LCLAT1: variants seen among roughly 807,000 people sequenced by gnomAD.
The protein encoded by LCLAT1 is lysocardiolipin acyltransferase 1.
Under a neutral mutation model 30.7 loss-of-function variants are expected in LCLAT1, and 11 were observed. The ratio of observed to expected loss-of-function variants is 0.36; its 90% confidence interval spans 0.23 to 0.59. LCLAT1 has a LOEUF of 0.59. Ranked by LOEUF, LCLAT1 falls within the 20% of genes least tolerant of loss-of-function variation. The pLI is 0.77. For missense variants in LCLAT1, 402 were observed against 458.6 expected, an observed-to-expected ratio of 0.88 and a Z score of 1.13; for synonymous variants, 155 against 151.3, an observed-to-expected ratio of 1.02 and a Z score of -0.18.
In LCLAT1 at chr2:30,640,321, G is replaced by A. The variant is rs758773276; in HGVS notation, c.833G>A (p.Arg278His). 10 of 1,614,050 alleles carry A rather than the reference G, an allele frequency of 6.2e-6. No individual in the cohort carries two copies. The highest frequency in any genetic ancestry group is 2.7e-5 in the African/African-American group (2 of 74,918). ...KRWEEKEERLRSFYQGEKNFY... is the reference protein window; with the variant it reads ...KRWEEKEERLHSFYQGEKNFY... ...TGGGAAGAGAAAGAAGAGAGGCTGCGTTCCTTCTATCAAGGGGAGAAGAAT... is the reference window on the plus strand; with the variant it reads ...TGGGAAGAGAAAGAAGAGAGGCTGCATTCCTTCTATCAAGGGGAGAAGAAT... The change falls in exon 6 of 6, where the codon CGT becomes CAT. Residue 278 changes from arginine to histidine, a missense_variant. By Grantham distance (29) the Arg-to-His change is conservative. Transcript: ENST00000379509.
intron 5 of LCLAT1, among the ~76,000 whole-genome samples, chr2:30,608,999 CCAGT>C (rs1667605448): frequency 6.6e-6 from 1 of 152,126 alleles, no homozygotes; most frequent in Non-Finnish European, 1.5e-5. Flanking sequence ...CTACTCTTTG[CCAGT>C]CAAATAGGTA....
In LCLAT1 at chr2:30,641,140, T is replaced by C. The variant is rs6723023; in HGVS notation, c.*521T>C. 0.13 allele frequency: 19,510 copies of C among 152,786 alleles called. 1,378 individuals carry two copies. Among genetic ancestry groups the C allele is most frequent in the South Asian group, 0.23 (1,119 of 4,826 alleles). The allele number at this position is 152,786 out of a possible 1,614,324, so 9.5% of individuals were successfully genotyped here. On this transcript the variant is annotated 3_prime_UTR_variant, in exon 6 of 6. Coordinates refer to ENST00000379509, the MANE Select transcript of LCLAT1 (RefSeq NM_001002257.3). The stretch of plus-strand genomic sequence containing the variant: ...TTAAGATCAGAAAATGGAACCCCCT[T>C]TGTCGTGAAACCGATCAAGCATTTT...
chr2:30,641,255 C>T lies in LCLAT1; in HGVS notation c.*636C>T, dbSNP rs919426287. The T allele has an allele frequency of 1.3e-5, 2 of 152,174 alleles. No individual in the cohort carries two copies. Among genetic ancestry groups the T allele is most frequent in the Non-Finnish European group, 2.9e-5 (2 of 68,056 alleles). The allele number at this position is 152,174 out of a possible 1,614,324, so 9.4% of individuals were successfully genotyped here. A position where few individuals can be genotyped will look rare whatever the true frequency, so the allele number is the denominator to read the frequency against. Reference sequence around the variant, plus strand: ...CCCTTTTCTCTCGTGGAAGATAAAACCTGGACTCAGGGAGCAACCACAGGC... The same window carrying T: ...CCCTTTTCTCTCGTGGAAGATAAAATCTGGACTCAGGGAGCAACCACAGGC... On this transcript the variant is annotated 3_prime_UTR_variant, in exon 6 of 6. Coordinates refer to ENST00000379509, the MANE Select transcript of LCLAT1 (RefSeq NM_001002257.3).
rs1188451727 is a variant in LCLAT1 at position 30,643,604 on chromosome 2, ACT to A, written c.*2988_*2989del. 1.3e-5 allele frequency: 2 copies of A among 152,512 alleles called. No individual in the cohort carries two copies. The highest frequency in any genetic ancestry group is 2.9e-5 in the Non-Finnish European group (2 of 68,020). The allele number at this position is 152,512 out of a possible 1,614,324, so 9.4% of individuals were successfully genotyped here. A position where few individuals can be genotyped will look rare whatever the true frequency, so the allele number is the denominator to read the frequency against. On this transcript the variant is annotated 3_prime_UTR_variant, in exon 6 of 6. Transcript: ENST00000379509. Reference sequence around the variant, plus strand: ...TGTTAGAAATATATTGGCAGCCAAGACTCTGAACTCTGCAGAAACATTTGTTT... The same window carrying A: ...TGTTAGAAATATATTGGCAGCCAAGACTGAACTCTGCAGAAACATTTGTTT...
At position 30,470,906 on chromosome 2, in the gene LCLAT1, T is replaced by C. The variant is rs558126947; in HGVS notation, c.-5+23523T>C. On this transcript the variant is annotated intron_variant, in intron 1 of 5. Transcript: ENST00000379509. ...ATTTATTTATTTTCATTTTATTTAT[T>C]TATTCATTCTTTTTTTTTTTTTTTT... 2.0e-4 allele frequency among the ~76,000 whole-genome samples: 30 copies of C among 151,084 alleles called. No individual in the cohort carries two copies. The South Asian group carries it at 6.1e-3, about 31-fold the overall frequency.
At chr2:30,483,290 A>T (rs551050182) in intron 1 of LCLAT1, among the ~76,000 whole-genome samples, 73 of 152,328 alleles carry the variant, frequency 4.8e-4, no homozygotes, top group African/African-American at 1.7e-3. Flanking sequence ...GGAGTTCGAG[A>T]CCAGCTTAGG....
intron 3 of LCLAT1, among the ~76,000 whole-genome samples, chr2:30,542,953 C>CTT (rs34535640): frequency 1.5e-3 from 187 of 124,218 alleles, no homozygotes; most frequent in African/African-American, 4.8e-3. Context: ...ACTTTTATGG[C>CTT]TTTTTTTTTT....
At chr2:30,630,210 T>G (rs1381390662) in intron 5 of LCLAT1, among the ~76,000 whole-genome samples, 1 of 152,214 alleles carries the variant, frequency 6.6e-6, no homozygotes, top group Non-Finnish European at 1.5e-5. Flanking sequence ...TTATGAGGAC[T>G]CCAGTCATAC....
intron 3 of LCLAT1, among the ~76,000 whole-genome samples, chr2:30,557,371 A>G (rs972318617): frequency 2.0e-5 from 3 of 151,040 alleles, no homozygotes; most frequent in Non-Finnish European, 2.9e-5. Flanking sequence ...TAAAAGCACC[A>G]ATCATGTATG....
At chr2:30,495,581 C>G (rs1684067985) in intron 1 of LCLAT1, among the ~76,000 whole-genome samples, 1 of 152,044 alleles carries the variant, frequency 6.6e-6, no homozygotes, top group Non-Finnish European at 1.5e-5. Flanking sequence ...AGAAAAAGCA[C>G]CAACAGATTT....
chr2:30,561,811 A>G (rs915528213), intron 3 of LCLAT1, among the ~76,000 whole-genome samples: 1 of 152,170 alleles, frequency 6.6e-6, no homozygotes, highest in African/African-American at 2.4e-5. Flanking sequence ...TGGTTAAAAT[A>G]TCTGTTTAGT....
intron 3 of LCLAT1, among the ~76,000 whole-genome samples, chr2:30,540,958 C>T (rs540771328): frequency 1.4e-4 from 22 of 152,242 alleles, no homozygotes; most frequent in East Asian, 5.8e-4. Context: ...CCACCACACC[C>T]GGCCACATTT....
At chr2:30,549,324 A>G (rs1235006874) in intron 3 of LCLAT1, among the ~76,000 whole-genome samples, 1 of 152,208 alleles carries the variant, frequency 6.6e-6, no homozygotes, top group Non-Finnish European at 1.5e-5. Context: ...TTAGGCTGCT[A>G]GATATCCCAG....
intron 3 of LCLAT1, among the ~76,000 whole-genome samples, chr2:30,553,552 A>G (rs567684528): frequency 6.6e-6 from 1 of 152,060 alleles, no homozygotes; most frequent in South Asian, 2.1e-4. Context: ...GCGGTGGCTC[A>G]CGCCTGTAAT....
intron 5 of LCLAT1, among the ~76,000 whole-genome samples, chr2:30,595,159 C>G (rs945827466): frequency 1.3e-5 from 2 of 152,116 alleles, no homozygotes; most frequent in African/African-American, 4.8e-5. Context: ...TTTCTTATCA[C>G]TGAAACTCTC....
At chr2:30,475,065 A>G (rs1682981762) in intron 1 of LCLAT1, among the ~76,000 whole-genome samples, 1 of 151,492 alleles carries the variant, frequency 6.6e-6, no homozygotes, top group South Asian at 2.1e-4. Context: ...TGGCACAATC[A>G]TAGCTCATTG....
At chr2:30,629,041 A>G (rs917658785) in intron 5 of LCLAT1, among the ~76,000 whole-genome samples, 1 of 152,218 alleles carries the variant, frequency 6.6e-6, no homozygotes, top group Admixed American at 6.5e-5. Context: ...GAGACAAACA[A>G]CTTATAGAAA....
intron 5 of LCLAT1, among the ~76,000 whole-genome samples, chr2:30,617,943 A>AT (rs894677098): frequency 6.6e-6 from 1 of 152,096 alleles, no homozygotes. Flanking sequence ...TGTGGCTTGC[A>AT]TTTTTATTTC....
chr2:30,460,174 C>T lies in LCLAT1; in HGVS notation c.-5+12791C>T, dbSNP rs190523022. Among the ~76,000 whole-genome samples, 133 of 152,284 alleles carry T rather than the reference C, an allele frequency of 8.7e-4. 1 individual carries two copies. Among genetic ancestry groups the T allele is most frequent in the Admixed American group, 3.5e-3 (53 of 15,296 alleles). ...AACAGTGAGGGTTTGGGGAGTCCAG[C>T]GGGGGTTCATCTGTGTGAATAACTG... On this transcript the variant is annotated intron_variant, in intron 1 of 5. Coordinates refer to ENST00000379509, the MANE Select transcript of LCLAT1 (RefSeq NM_001002257.3).
Sources: gnomAD v4.1 joint callset for allele counts (sites outside exome capture counted in the v4.1 genomes callset) on GRCh38, gnomAD v4.1.1 for gene constraint, MANE v1.5 for transcripts, NCBI Gene and HGNC (gene_info 2026-07-23, HGNC 2026-07-21) for gene names.